Variants in TPO observed in about 807,000 individuals in gnomAD.
The protein encoded by TPO is thyroid microsomal antigen.
In TPO, 78 loss-of-function variants were observed where a neutral mutation model predicts 96.9. The ratio of observed to expected loss-of-function variants is 0.81; its 90% confidence interval spans 0.67 to 0.97. The LOEUF is 0.97. TPO is among the 50% of genes least tolerant of loss of function. The pLI, the probability that TPO is intolerant of heterozygous loss-of-function variation, is 0.00. For synonymous variants in TPO, 547 were observed against 538.0 expected (o/e 1.02, Z -0.23); for missense variants, 1,252 against 1,274.8 (o/e 0.98, Z 0.27).
intron 5 of TPO, among the ~76,000 whole-genome samples, chr2:1,443,573 T>C (rs1180769259): frequency 1.5e-4 from 20 of 137,394 alleles, no homozygotes; most frequent in African/African-American, 5.3e-4. Flanking sequence ...AAGGGCAGGC[T>C]CCTTCTTGTT....
chr2:1,436,772 T>A (rs1665617335), intron 5 of TPO, among the ~76,000 whole-genome samples: 1 of 151,998 alleles, frequency 6.6e-6, no homozygotes, highest in Non-Finnish European at 1.5e-5. Context: ...CCAAAATGAG[T>A]CCTCTCCACT....
At chr2:1,524,664 C>T (rs1239661641) in intron 15 of TPO, among the ~76,000 whole-genome samples, 1 of 133,890 alleles carries the variant, frequency 7.5e-6, no homozygotes, top group African/African-American at 2.8e-5. Context: ...TCAAATCCCC[C>T]CACTGTGGGC....
intron 8 of TPO, among the ~76,000 whole-genome samples, chr2:1,480,559 TACAC>T (rs3036105): frequency 0.029 from 1,272 of 44,342 alleles, 43 homozygotes; most frequent in African/African-American, 0.084. Flanking sequence ...TCAAACCCCC[TACAC>T]ACACACACAC....
intron 1 of TPO, among the ~76,000 whole-genome samples, chr2:1,397,071 C>G (rs78735341): frequency 2.6e-5 from 4 of 152,142 alleles, no homozygotes; most frequent in African/African-American, 9.7e-5. Flanking sequence ...TCATTTTCGT[C>G]ATCTGAAAGG....
At chr2:1,483,034 A>G (rs1488182531) in intron 8 of TPO, among the ~76,000 whole-genome samples, 1 of 152,112 alleles carries the variant, frequency 6.6e-6, no homozygotes, top group Admixed American at 6.5e-5. Context: ...CTTCTGCCCA[A>G]CCTCGACGGC....
chr2:1,422,363 C>CT (rs200717355), intron 2 of TPO, among the ~76,000 whole-genome samples: 197 of 121,516 alleles, frequency 1.6e-3, no homozygotes, highest in South Asian at 3.1e-3. Flanking sequence ...GCAGGCGCCG[C>CT]GCTGGACCGA....
chr2:1,391,470 T>G (rs571906953), intron 1 of TPO, among the ~76,000 whole-genome samples: 2 of 152,318 alleles, frequency 1.3e-5, no homozygotes, highest in East Asian at 3.9e-4. Flanking sequence ...CTTTGTTCTT[T>G]TTGCTTAGGA....
chr2:1,414,239 G>A, intron 1 of TPO, 169 bp from the exon 2 acceptor site: 1 of 671,406 alleles, frequency 1.5e-6, no homozygotes, highest in Non-Finnish European at 2.7e-6. Flanking sequence ...TCCTGACATG[G>A]ACGGCGACTC....
At chr2:1,472,467 T>C (rs1669514609) in intron 7 of TPO, among the ~76,000 whole-genome samples, 1 of 152,184 alleles carries the variant, frequency 6.6e-6, no homozygotes, top group South Asian at 2.1e-4. Flanking sequence ...TGAATGTTGT[T>C]AACAAAAACA....
intron 9 of TPO, among the ~76,000 whole-genome samples, chr2:1,487,379 G>A (rs1671268716): frequency 6.6e-6 from 1 of 152,194 alleles, no homozygotes; most frequent in Non-Finnish European, 1.5e-5. Context: ...AGGACATTCA[G>A]GAAACTCTGG....
chr2:1,530,937 A>AT (rs1678008172), intron 15 of TPO, among the ~76,000 whole-genome samples: 1 of 64,392 alleles, frequency 1.6e-5, no homozygotes, highest in Non-Finnish European at 2.8e-5. Context: ...ACCTCCCCAA[A>AT]TCCCCCCACT....
intron 15 of TPO, among the ~76,000 whole-genome samples, chr2:1,526,217 TC>T (rs1199207695): frequency 4.9e-5 from 2 of 41,092 alleles, no homozygotes; most frequent in African/African-American, 2.1e-4. Flanking sequence ...CCTCCTCAAA[TC>T]CCCCCGATGT....
chr2:1,418,517 G>A lies in TPO; in HGVS notation c.94+4015G>A, dbSNP rs556504548. Among the ~76,000 whole-genome samples the A allele has an allele frequency of 8.5e-5, 13 of 152,214 alleles. No homozygotes were observed. In the South Asian group the frequency reaches 2.7e-3, roughly 32 times the overall value. ...TCAGCACCTGAAAATTCTGTAATAA[G>A]AGTCTTTGAAAATGGAAAAAAAATC... On this transcript the variant is annotated intron_variant, in intron 2 of 16. Transcript: ENST00000329066.
rs1175902159 is a variant in TPO, at chr2:1,542,364, T to C, written c.2749-57T>C. 4.4e-6 allele frequency: 7 copies of C among 1,607,106 alleles called. No individual in the cohort carries two copies. The Admixed American group carries it at 6.7e-5, about 15-fold the overall frequency. ...CTTCTGTCTTGTATCAAGTGTGTGC[T>C]GTTACTGGAGCAGTCAGAATTCAGA... On this transcript the variant is annotated intron_variant, in intron 16 of 16. Transcript: ENST00000329066.
chr2:1,398,349 G>A (rs1662117263), intron 1 of TPO, among the ~76,000 whole-genome samples: 1 of 152,182 alleles, frequency 6.6e-6, no homozygotes, highest in East Asian at 1.9e-4. Flanking sequence ...TCACTTCTAT[G>A]CCAGCTCTGG....
chr2:1,515,935 T>C (rs1004501587), intron 14 of TPO, among the ~76,000 whole-genome samples: 1 of 152,186 alleles, frequency 6.6e-6, no homozygotes, highest in Admixed American at 6.5e-5. Context: ...TAAATTCTTA[T>C]TTAAAAGTCA....
chr2:1,427,752 C>G (rs1376870167), intron 3 of TPO, among the ~76,000 whole-genome samples: 2 of 152,188 alleles, frequency 1.3e-5, no homozygotes, highest in Non-Finnish European at 2.9e-5. Context: ...CATGATCTGT[C>G]TGGGCTCACA....
rs748124213 is a variant in TPO, at chr2:1,504,038, C to T, written c.2477C>T (p.Ala826Val). Residue 826 changes from alanine to valine, a missense_variant, in exon 14 of 17, where the codon GCG (alanine) becomes GTG (valine). Ala to Val is a moderately conservative substitution (Grantham distance 64). Transcript: ENST00000329066. ...AAAGGCGGCTTCCAGTGTCTCTGCG[C>T]GGACCCCTACGAGTTAGGAGACGAT... ...NTKGGFQCLC[A>V]DPYELGDDGR... The T allele has an allele frequency of 8.7e-6, 14 of 1,614,214 alleles. No homozygotes were observed. Among genetic ancestry groups the T allele is most frequent in the Admixed American group, 3.3e-5 (2 of 60,030 alleles).
chr2:1,381,956 TAAA>T, intron 1 of TPO, among the ~76,000 whole-genome samples: 1 of 152,134 alleles, frequency 6.6e-6, no homozygotes, highest in East Asian at 1.9e-4. Context: ...TAAGCACACA[TAAA>T]CGCAGCTGTA....
Sources: allele counts gnomAD v4.1 joint callset (sites outside exome capture counted in the v4.1 genomes callset), GRCh38; gene constraint gnomAD v4.1.1; transcripts MANE v1.5; gene names NCBI Gene and HGNC (gene_info 2026-07-23, HGNC 2026-07-21).